The following SNX10 variants were observed in gnomAD, a reference collection of about 807,000 sequenced individuals.
SNX10 encodes sorting nexin-10.
In SNX10, 25 loss-of-function variants were observed where a neutral mutation model predicts 28.5. The ratio of observed to expected loss-of-function variants is 0.88; its 90% CI spans 0.64 to 1.22. The LOEUF (loss-of-function observed/expected upper bound fraction) is 1.22. SNX10 is among the 50% of genes most tolerant of loss of function. The pLI is 0.00. For synonymous variants in SNX10, 62 were observed against 81.4 expected (o/e 0.76, Z 1.28); for missense variants, 223 against 242.6 (o/e 0.92, Z 0.54).
At chr7:26,327,249 G>A (rs927234358) in intron 1 of SNX10, among the ~76,000 whole-genome samples, 4 of 151,952 alleles carry the variant, frequency 2.6e-5, no homozygotes, top group African/African-American at 9.7e-5. Flanking sequence ...CTGCGCCCGG[G>A]TCTTGTTAAT....
intron 1 of SNX10, among the ~76,000 whole-genome samples, chr7:26,345,920 G>A (rs12534816): frequency 0.21 from 31,221 of 151,994 alleles, 3,668 homozygotes; most frequent in East Asian, 0.45. Context: ...CAAGGTCCTG[G>A]CTTTATCCCG....
intron 1 of SNX10, 144 bp from the exon 2 acceptor site, chr7:26,346,276 G>C (rs111562572): frequency 6.0e-5 from 40 of 668,898 alleles, no homozygotes; most frequent in African/African-American, 5.3e-4. Flanking sequence ...GGAGAGGGCA[G>C]CGTGGGAGGA....
At chr7:26,307,179 G>C (rs761180110) in intron 1 of SNX10, among the ~76,000 whole-genome samples, 11 of 152,152 alleles carry the variant, frequency 7.2e-5, no homozygotes, top group Non-Finnish European at 1.5e-4. Flanking sequence ...ATTAAATGTT[G>C]AATTTTTTTC....
chr7:26,360,688 C>G lies in SNX10; in HGVS notation c.25-287C>G, dbSNP rs1584169115. The G allele has an allele frequency of 1.3e-5, 5 of 379,050 alleles. No homozygotes were observed. The East Asian group carries it at 3.6e-4, about 28-fold the overall frequency. The allele number at this position is 379,050 out of a possible 1,614,324, so 23.5% of individuals were successfully genotyped here. A position where few individuals can be genotyped will look rare whatever the true frequency, so the allele number is the denominator to read the frequency against. On this transcript the variant is annotated intron_variant, in intron 2 of 6. Transcript: ENST00000338523. ...TTATTTAAGATTAAAAATTAAAAAT[C>G]AGTTTTACAGTATACTTTGTCTTCA...
chr7:26,336,047 G>A (rs760589994), intron 1 of SNX10, among the ~76,000 whole-genome samples: 1 of 152,170 alleles, frequency 6.6e-6, no homozygotes, highest in African/African-American at 2.4e-5. Flanking sequence ...ATTCTTAAGA[G>A]ATGAAAGTAA....
chr7:26,329,002 C>T (rs560703844), intron 1 of SNX10, among the ~76,000 whole-genome samples: 2 of 152,336 alleles, frequency 1.3e-5, no homozygotes, highest in Admixed American at 1.3e-4. Context: ...CTCTGGCCTG[C>T]ACCATTAGTC....
At position 26,360,923 on chromosome 7, in the gene SNX10, A is replaced by G. The variant is rs768789143; in HGVS notation, c.25-52A>G. On this transcript the variant is annotated intron_variant, in intron 2 of 6. Transcript: ENST00000338523. ...GCAGTCGTTTTGTTCAGTTCTTTCC[A>G]GTCCTACTTGCAGTTCTGAAGAATA... 1.9e-6 allele frequency: 3 copies of G among 1,605,374 alleles called. No homozygotes were observed. In the Admixed American group the frequency reaches 5.0e-5, roughly 27 times the overall value.
At chr7:26,317,968 T>C (rs1289812179) in intron 1 of SNX10, among the ~76,000 whole-genome samples, 1 of 152,084 alleles carries the variant, frequency 6.6e-6, no homozygotes, top group South Asian at 2.1e-4. Context: ...GCTTTCATGG[T>C]GATCTTCTAA....
At chr7:26,306,686 C>G (rs562503894) in intron 1 of SNX10, among the ~76,000 whole-genome samples, 2 of 152,292 alleles carry the variant, frequency 1.3e-5, no homozygotes, top group East Asian at 3.9e-4. Flanking sequence ...CAGGCATGAG[C>G]CACCGTGCCC....
At chr7:26,347,601 G>A (rs1351096115) in intron 2 of SNX10, among the ~76,000 whole-genome samples, 1 of 152,126 alleles carries the variant, frequency 6.6e-6, no homozygotes, top group Admixed American at 6.5e-5. Context: ...TGTAATCCCA[G>A]CACTTTGGGA....
rs560833102 is a variant in SNX10, at chr7:26,352,278, T to G, written c.24+5812T>G. ...CTCCTGTTTGTGTTAAAAAATTGCA[T>G]AAAGCTGGGTGTGTTGGTGCATGCA... On this transcript the variant is annotated intron_variant, in intron 2 of 6. Coordinates refer to ENST00000338523, the MANE Select transcript of SNX10 (RefSeq NM_013322.3). Among the ~76,000 whole-genome samples, 18 of 152,290 alleles carry G rather than the reference T, an allele frequency of 1.2e-4. No homozygotes were observed. The South Asian group carries it at 1.9e-3, about 16-fold the overall frequency.
chr7:26,302,036 T>TA (rs144784233), intron 1 of SNX10, among the ~76,000 whole-genome samples: 32 of 152,342 alleles, frequency 2.1e-4, no homozygotes, highest in East Asian at 1.9e-4. Flanking sequence ...GACTGGGTCA[T>TA]ACGTTTTTTC....
intron 1 of SNX10, among the ~76,000 whole-genome samples, chr7:26,322,399 A>AT (rs1787345874): frequency 6.6e-6 from 1 of 152,252 alleles, no homozygotes; most frequent in African/African-American, 2.4e-5. Flanking sequence ...CCAAAATAAG[A>AT]AAGACATAAT....
chr7:26,342,030 T>TTC (rs1318475737), intron 1 of SNX10, among the ~76,000 whole-genome samples: 3 of 133,710 alleles, frequency 2.2e-5, no homozygotes, highest in African/African-American at 5.8e-5. Flanking sequence ...TCTTCTTTCT[T>TTC]TTTTTTTTTT....
At chr7:26,352,406 G>A (rs1788643513) in intron 2 of SNX10, among the ~76,000 whole-genome samples, 1 of 152,116 alleles carries the variant, frequency 6.6e-6, no homozygotes, top group South Asian at 2.1e-4. Context: ...CTATGCAATG[G>A]AGTAAGACCT....
chr7:26,350,916 A>G (rs544540114), intron 2 of SNX10, among the ~76,000 whole-genome samples: 1 of 151,844 alleles, frequency 6.6e-6, no homozygotes, highest in Non-Finnish European at 1.5e-5. Context: ...TTTTTTTCTG[A>G]GCTTGTCCCA....
intron 1 of SNX10, among the ~76,000 whole-genome samples, chr7:26,327,238 A>G (rs1405384111): frequency 6.6e-6 from 1 of 152,072 alleles, no homozygotes; most frequent in African/African-American, 2.4e-5. Context: ...GGCGTGAACC[A>G]CTGCGCCCGG....
intron 1 of SNX10, among the ~76,000 whole-genome samples, chr7:26,329,056 T>C (rs7786623): frequency 0.55 from 83,220 of 152,018 alleles, 23,088 homozygotes; most frequent in East Asian, 0.8. Flanking sequence ...CCCCCTACAG[T>C]CTGTTCCACA....
chr7:26,309,493 C>T (rs1786735895), intron 1 of SNX10, among the ~76,000 whole-genome samples: 1 of 152,100 alleles, frequency 6.6e-6, no homozygotes, highest in African/African-American at 2.4e-5. Flanking sequence ...CCCTTCATAG[C>T]TAGTGACCCT....
Sources: gnomAD v4.1 joint callset for allele counts (sites outside exome capture counted in the v4.1 genomes callset) on GRCh38, gnomAD v4.1.1 for gene constraint, MANE v1.5 for transcripts, NCBI Gene and HGNC (gene_info 2026-07-23, HGNC 2026-07-21) for gene names.